TTYH2: variants seen among roughly 807,000 people sequenced by gnomAD.
TTYH2 encodes tweety family member 2.
In TTYH2, 49 loss-of-function variants were observed where a neutral mutation model predicts 68.3. The ratio of observed to expected loss-of-function variants is 0.72; its 90% confidence interval spans 0.57 to 0.91. The LOEUF is 0.91. Ranked by LOEUF, TTYH2 falls within the 40% of genes least tolerant of loss-of-function variation. The pLI is 0.00. For synonymous variants in TTYH2, 272 were observed against 300.8 expected (o/e 0.90, Z 0.99); for missense variants, 631 against 700.4 (o/e 0.90, Z 1.12).
chr17:74,219,596 G>A (rs1018259492), intron 1 of TTYH2, among the ~76,000 whole-genome samples: 5 of 151,866 alleles, frequency 3.3e-5, no homozygotes, highest in Admixed American at 2.0e-4. Flanking sequence ...GCAATGATTC[G>A]GTGATTCACA....
At chr17:74,236,262 CA>C (rs1234528733) in intron 3 of TTYH2, among the ~76,000 whole-genome samples, 1 of 152,178 alleles carries the variant, frequency 6.6e-6, no homozygotes, top group Non-Finnish European at 1.5e-5. Context: ...TTTGTTTTTG[CA>C]AAGTCCCATT....
chr17:74,218,336 A>T (rs1209215608), intron 1 of TTYH2, among the ~76,000 whole-genome samples: 3 of 150,370 alleles, frequency 2.0e-5, no homozygotes, highest in Non-Finnish European at 4.4e-5. Flanking sequence ...CCCAGCACCT[A>T]GGTAGGGTTC....
chr17:74,218,955 C>T (rs963087899), intron 1 of TTYH2, among the ~76,000 whole-genome samples: 7 of 152,182 alleles, frequency 4.6e-5, no homozygotes, highest in Admixed American at 2.0e-4. Context: ...CTTGGTTGGG[C>T]GTCGTGGCTC....
Position 74,221,501 on chromosome 17 carries a change from A to G in TTYH2, c.130-984A>G, listed in dbSNP as rs34328964. Among the ~76,000 whole-genome samples, 707 of 152,274 alleles carry G rather than the reference A, an allele frequency of 4.6e-3. 6 individuals carry two copies. The highest frequency in any genetic ancestry group is 0.017 in the African/African-American group (686 of 41,550). The stretch of plus-strand genomic sequence containing the variant: ...CAGCAGCACCCCCAGAGCACTAGGG[A>G]TTCGGGACTGGGAACCCCTATTGGG... On this transcript the variant is annotated intron_variant, in intron 1 of 13. Coordinates refer to ENST00000269346, the MANE Select transcript of TTYH2 (RefSeq NM_032646.6).
chr17:74,260,218 C>CG lies in TTYH2; in HGVS notation c.*14dup. ...ATCAGTTTCCAGCCTAACAGACTTT[C>CG]GGGGGTTCCTGCCTCCTTTTTCCGT... On this transcript the variant is annotated 3_prime_UTR_variant, in exon 14 of 14. Transcript: ENST00000269346. 6.2e-7 allele frequency: 1 copy of CG among 1,613,666 alleles called. No individual in the cohort carries two copies. Among genetic ancestry groups the CG allele is most frequent in the Non-Finnish European group, 8.5e-7 (1 of 1,179,734 alleles).
chr17:74,219,935 G>A (rs1241338752), intron 1 of TTYH2, among the ~76,000 whole-genome samples: 2 of 151,980 alleles, frequency 1.3e-5, no homozygotes, highest in Non-Finnish European at 2.9e-5. Context: ...GCTGGGTCAT[G>A]GCATGCATGT....
intron 13 of TTYH2, among the ~76,000 whole-genome samples, chr17:74,255,426 G>T (rs751210866): frequency 4.6e-5 from 7 of 152,252 alleles, no homozygotes; most frequent in South Asian, 4.2e-4. Context: ...CAGAGCTGTG[G>T]CATTTATCAA....
Position 74,230,541 on chromosome 17 carries a change from G to T in TTYH2, c.303-347G>T, listed in dbSNP as rs1048341074. Among the ~76,000 whole-genome samples, 17 of 152,186 alleles carry T rather than the reference G, an allele frequency of 1.1e-4. No individual in the cohort carries two copies. In the South Asian group the frequency reaches 2.3e-3, roughly 20 times the overall value. ...TGTACCACTCTGGTGCAGGGTTTTA[G>T]GGTGGAGTAAGAGGCTGTGCGTGTG... On this transcript the variant is annotated intron_variant, in intron 2 of 13. Coordinates refer to ENST00000269346, the MANE Select transcript of TTYH2 (RefSeq NM_032646.6).
intron 13 of TTYH2, among the ~76,000 whole-genome samples, chr17:74,259,479 T>C: frequency 6.6e-6 from 1 of 152,220 alleles, no homozygotes; most frequent in Non-Finnish European, 1.5e-5. Context: ...TCTCCTAAAG[T>C]GCTGGGATTA....
intron 13 of TTYH2, among the ~76,000 whole-genome samples, chr17:74,258,018 G>A (rs2050710564): frequency 6.6e-6 from 1 of 151,904 alleles, no homozygotes; most frequent in Non-Finnish European, 1.5e-5. Flanking sequence ...GCTGGGCATG[G>A]TGATGGGTGC....
chr17:74,225,013 C>A (rs868660863), intron 2 of TTYH2, among the ~76,000 whole-genome samples: 2,839 of 143,242 alleles, frequency 0.02, 107 homozygotes, highest in African/African-American at 0.069. Flanking sequence ...AAAAAAAAAA[C>A]AACCAAAAAA....
chr17:74,245,739 G>A (rs958013145), intron 6 of TTYH2, among the ~76,000 whole-genome samples: 4 of 152,210 alleles, frequency 2.6e-5, no homozygotes, highest in African/African-American at 4.8e-5. Flanking sequence ...ATAGGAAGCC[G>A]GGTGAGGAGG....
chr17:74,247,058 T>C (rs1032142855), intron 6 of TTYH2, among the ~76,000 whole-genome samples: 6 of 151,758 alleles, frequency 4.0e-5, no homozygotes, highest in Non-Finnish European at 7.4e-5. Context: ...GGTGCATTCC[T>C]ATAATCTCAG....
intron 2 of TTYH2, among the ~76,000 whole-genome samples, chr17:74,228,348 A>C (rs1378220413): frequency 6.6e-6 from 1 of 152,218 alleles, no homozygotes; most frequent in Admixed American, 6.5e-5. Flanking sequence ...AAAGAACAAC[A>C]GAACAAATAT....
At position 74,249,546 on chromosome 17, in the gene TTYH2, T is replaced by C; in HGVS notation, c.930+147T>C. The stretch of plus-strand genomic sequence containing the variant: ...CTTAGCTGCTTCTGTGAGGGGGGCG[T>C]GCTTTTGGTCGTGGGTTCTAGATTG... On this transcript the variant is annotated intron_variant, in intron 8 of 13. Transcript: ENST00000269346. 5.8e-6 allele frequency: 5 copies of C among 861,288 alleles called. No homozygotes were observed. The South Asian group carries it at 7.8e-5, about 13-fold the overall frequency. 53.4% of individuals were successfully genotyped at this position (861,288 alleles called of 1,614,324 possible).
intron 11 of TTYH2, 133 bp from the exon 12 acceptor site, chr17:74,252,948 T>G: frequency 1.1e-6 from 1 of 899,722 alleles, no homozygotes; most frequent in Non-Finnish European, 1.7e-6. Flanking sequence ...GGGACCGCGT[T>G]TTAGAGGAGT....
At chr17:74,253,375 C>T (rs1018974659) in intron 12 of TTYH2, 109 bp downstream of exon 12, 4 of 1,343,388 alleles carry the variant, frequency 3.0e-6, no homozygotes, top group Admixed American at 2.6e-5. Flanking sequence ...CACCCGTGGT[C>T]CCCACTACAG....
At chr17:74,219,215 C>CAAAAAA (rs567646208) in intron 1 of TTYH2, among the ~76,000 whole-genome samples, 22 of 131,244 alleles carry the variant, frequency 1.7e-4, no homozygotes, top group African/African-American at 6.3e-4. Context: ...GACTCCGTCT[C>CAAAAAA]AAAAAAAAAA....
intron 6 of TTYH2, chr17:74,248,391 C>A (rs1427557463): frequency 1.0e-6 from 1 of 986,972 alleles, no homozygotes; most frequent in Non-Finnish European, 1.2e-6. Context: ...TGCTGTGGGG[C>A]CAGGTCCTCC....
Sources: allele counts gnomAD v4.1 joint callset (sites outside exome capture counted in the v4.1 genomes callset), GRCh38; gene constraint gnomAD v4.1.1; transcripts MANE v1.5; gene names NCBI Gene and HGNC (gene_info 2026-07-23, HGNC 2026-07-21).